Variants in UNKL observed in about 807,000 individuals in gnomAD.
UNKL encodes the protein putative E3 ubiquitin-protein ligase UNKL.
UNKL carries 60 observed loss-of-function variants against 78.0 expected under a neutral mutation model. The observed-to-expected ratio is 0.77, with a 90% CI of 0.63 to 0.95. The LOEUF (loss-of-function observed/expected upper bound fraction) is 0.95. Among genes scored for constraint, UNKL ranks in the 40% least tolerant of loss-of-function variants. The probability of loss-of-function intolerance (pLI) is 0.00; values close to 1 mark genes in which losing one functional copy is unlikely to be tolerated. For missense variants in UNKL, 1,159 were observed against 1,045.7 expected (o/e 1.11, Z -1.49); for synonymous variants, 608 against 474.8 (o/e 1.28, Z -3.65).
At chr16:1,396,905 T>G in intron 6 of UNKL, 1 of 466,042 alleles carries the variant, frequency 2.1e-6, no homozygotes, top group South Asian at 2.4e-5. Context: ...TGTTTTTAAT[T>G]GACATTTTCT....
At chr16:1,381,738 G>C (rs2036614629) in intron 10 of UNKL, among the ~76,000 whole-genome samples, 1 of 152,198 alleles carries the variant, frequency 6.6e-6, no homozygotes, top group African/African-American at 2.4e-5. Context: ...AAGATCCAGG[G>C]CCCTGGATTA....
At position 1,365,358 on chromosome 16, in the gene UNKL, G is replaced by C. The variant is rs775181537; in HGVS notation, c.*882C>G. The C allele has an allele frequency of 1.3e-5, 2 of 152,176 alleles. No homozygotes were observed. Among genetic ancestry groups the C allele is most frequent in the African/African-American group, 4.8e-5 (2 of 41,442 alleles). The allele number at this position is 152,176 out of a possible 1,614,324, so 9.4% of individuals were successfully genotyped here. A position where few individuals can be genotyped will look rare whatever the true frequency, so the allele number is the denominator to read the frequency against. On this transcript the variant is annotated 3_prime_UTR_variant, in exon 15 of 15. Coordinates refer to ENST00000389221, the MANE Select transcript of UNKL (RefSeq NM_001372107.1). ...ATCCCCTCTGCTGCGTTTTTTGTTAGTATCAAACTGTCTTTCAGAGGGTTA... is the reference window on the plus strand; with the variant it reads ...ATCCCCTCTGCTGCGTTTTTTGTTACTATCAAACTGTCTTTCAGAGGGTTA...
intron 12 of UNKL, 143 bp downstream of exon 12, chr16:1,369,987 A>G: frequency 3.2e-6 from 5 of 1,550,920 alleles, no homozygotes; most frequent in Non-Finnish European, 4.4e-6. Flanking sequence ...GCGTGGGGGA[A>G]CCTGTGAGCA....
intron 7 of UNKL, among the ~76,000 whole-genome samples, chr16:1,393,211 CAAG>C (rs2037121578): frequency 6.6e-6 from 1 of 152,224 alleles, no homozygotes; most frequent in South Asian, 2.1e-4. Flanking sequence ...AAAACGTGAA[CAAG>C]AATAGCTGCC....
Position 1,399,083 on chromosome 16 carries a change from G to A in UNKL, c.734+291C>T, listed in dbSNP as rs2037400856. The A allele has an allele frequency of 1.5e-6, 2 of 1,311,342 alleles. No individual in the cohort carries two copies. The highest frequency in any genetic ancestry group is 1.5e-5 in the African/African-American group (1 of 67,234). The allele number at this position is 1,311,342 out of a possible 1,614,324, so 81.2% of individuals were successfully genotyped here. ...TGGGGCACACGGGGGTCCCAGCTGG[G>A]CTTGGGGTCCCTCCTGCAGTGCTCC... is the stretch of plus-strand genomic sequence containing the variant. On this transcript the variant is annotated intron_variant, in intron 5 of 14. Coordinates refer to ENST00000389221, the MANE Select transcript of UNKL (RefSeq NM_001372107.1). This position sits in a 1 kb window ranked among gnomAD's most constrained non-coding sequence, Gnocchi z 5.8.
intron 8 of UNKL, among the ~76,000 whole-genome samples, chr16:1,391,182 C>T (rs991451951): frequency 6.7e-6 from 1 of 149,500 alleles, no homozygotes; most frequent in African/African-American, 2.5e-5. Flanking sequence ...CACACACACA[C>T]ACACACACAC....
chr16:1,406,211 A>T, intron 2 of UNKL: 1 of 292,792 alleles, frequency 3.4e-6, no homozygotes, highest in Non-Finnish European at 6.3e-6. Context: ...GCCGGGCTAT[A>T]TTGCTAATTT....
At chr16:1,379,699 GC>G (rs940889468) in intron 10 of UNKL, 2 of 878,052 alleles carry the variant, frequency 2.3e-6, no homozygotes, top group African/African-American at 1.9e-5. Context: ...CCCGCGCCCC[GC>G]CCCCTCCGCG....
At chr16:1,379,675 G>T in intron 10 of UNKL, 1 of 984,498 alleles carries the variant, frequency 1.0e-6, no homozygotes, top group Non-Finnish European at 1.2e-6. Context: ...CCGCCGCCGG[G>T]GATTCAAACC....
At chr16:1,392,434 C>A (rs1293021413) in intron 8 of UNKL, among the ~76,000 whole-genome samples, 1 of 146,736 alleles carries the variant, frequency 6.8e-6, no homozygotes, top group East Asian at 1.9e-4. Context: ...ACCCCCTCTT[C>A]CCCCCTCTTT....
At chr16:1,395,626 G>A (rs538944355) in intron 6 of UNKL, 391 of 446,950 alleles carry the variant, frequency 8.7e-4, no homozygotes, top group Non-Finnish European at 1.5e-3. Flanking sequence ...CTCCTGCCTC[G>A]GAAGAGTCCT....
At chr16:1,369,875 T>G in intron 12 of UNKL, 1 of 1,436,542 alleles carries the variant, frequency 7.0e-7, no homozygotes, top group African/African-American at 1.4e-5. Flanking sequence ...CTTGGGTGGC[T>G]GAGGCAGGAG....
In UNKL at chr16:1,401,710, C is replaced by T. The variant is rs376477531; in HGVS notation, c.465-9G>A. The T allele has an allele frequency of 4.4e-6, 7 of 1,605,468 alleles. No individual in the cohort carries two copies. Among genetic ancestry groups the T allele is most frequent in the East Asian group, 2.2e-5 (1 of 44,772 alleles). ...CCTGGGCCTGCAGCTCCCTGCAAGC[C>T]GAGGACACAGTGGTCACAGCTCTGC... On this transcript the variant is annotated splice_polypyrimidine_tract_variant and intron_variant, in intron 3 of 14. Coordinates refer to ENST00000389221, the MANE Select transcript of UNKL (RefSeq NM_001372107.1).
chr16:1,392,077 C>T (rs1161049758), intron 8 of UNKL, among the ~76,000 whole-genome samples: 1 of 152,202 alleles, frequency 6.6e-6, no homozygotes, highest in Non-Finnish European at 1.5e-5. Flanking sequence ...CTCCCTGAAC[C>T]AACCATGGCA....
chr16:1,396,585 TA>T (rs1388768430), intron 6 of UNKL, among the ~76,000 whole-genome samples: 4 of 151,956 alleles, frequency 2.6e-5, no homozygotes, highest in Non-Finnish European at 5.9e-5. Context: ...TGAATATATA[TA>T]TTTTTTTCTT....
Position 1,390,690 on chromosome 16 carries a change from T to G in UNKL, c.1028A>C (p.Lys343Thr), listed in dbSNP as rs2037011177. Reference sequence around the variant, plus strand: ...ACCCTCGGCCGGCGAGTCTCTCCGCTTGGCCTGCAACATAAAAAACAGTCA... The same window carrying G: ...ACCCTCGGCCGGCGAGTCTCTCCGCGTGGCCTGCAACATAAAAAACAGTCA... ...STGSGQPGNAKRRDSPAEGGP... is the reference protein window; with the variant it reads ...STGSGQPGNATRRDSPAEGGP... Residue 343 changes from lysine (K) to threonine (T), a missense_variant, in exon 9 of 15, where the codon AAG becomes ACG. Transcript: ENST00000389221. 2 of 1,535,864 alleles carry G rather than the reference T, an allele frequency of 1.3e-6. No individual in the cohort carries two copies. Among genetic ancestry groups the G allele is most frequent in the South Asian group, 2.4e-5 (2 of 84,058 alleles).
chr16:1,410,785 G>C (rs1181734941), intron 2 of UNKL, among the ~76,000 whole-genome samples: 1 of 152,188 alleles, frequency 6.6e-6, no homozygotes, highest in East Asian at 1.9e-4. Flanking sequence ...ACATCAACTA[G>C]ACAAATACCT....
intron 3 of UNKL, 106 bp from the exon 4 acceptor site, chr16:1,401,807 T>C (rs1479026939): frequency 2.0e-6 from 3 of 1,466,130 alleles, no homozygotes; most frequent in Non-Finnish European, 2.7e-6. Context: ...ACAGAGAGGC[T>C]GCTGCCGAAG....
At chr16:1,407,707 AAAG>A (rs2037831878) in intron 2 of UNKL, among the ~76,000 whole-genome samples, 1 of 151,374 alleles carries the variant, frequency 6.6e-6, no homozygotes, top group African/African-American at 2.4e-5. Flanking sequence ...AAAAAAAAAA[AAAG>A]GACAAACCTG....
Sources: allele counts gnomAD v4.1 joint callset (sites outside exome capture counted in the v4.1 genomes callset), GRCh38; gene constraint gnomAD v4.1.1; non-coding constraint Gnocchi (gnomAD v3.1); transcripts MANE v1.5; gene names NCBI Gene and HGNC (gene_info 2026-07-23, HGNC 2026-07-21).